The following DISP3 variants were observed in gnomAD, a reference collection of about 807,000 sequenced individuals.
DISP3 encodes protein dispatched homolog 3.
Under a neutral mutation model 135.3 loss-of-function variants are expected in DISP3, and 101 were observed. That is an observed-to-expected ratio of 0.75 (90% CI 0.64 to 0.88). DISP3 has a LOEUF of 0.88. DISP3 is among the 40% of genes least tolerant of loss of function. DISP3 has a pLI of 0.00. For synonymous variants in DISP3, 856 were observed against 817.0 expected (o/e 1.05, Z -0.81); for missense variants, 1,713 against 1,878.6 (o/e 0.91, Z 1.63).
In DISP3 at chr1:11,529,239, G is replaced by C. The variant is rs928127453; in HGVS notation, c.2799-317G>C. Reference sequence around the variant, plus strand: ...GTCCCTCCTGAACCCTCGTACCCCCGGGGGACAGTTTGAAAGCTGCTGGTC... The same window carrying C: ...GTCCCTCCTGAACCCTCGTACCCCCCGGGGACAGTTTGAAAGCTGCTGGTC... On this transcript the variant is annotated intron_variant, in intron 13 of 20. Coordinates refer to ENST00000294484, the MANE Select transcript of DISP3 (RefSeq NM_020780.2). This position sits in a 1 kb window ranked among gnomAD's most constrained non-coding sequence, Gnocchi z 4.7. Among the ~76,000 whole-genome samples, 3 of 152,084 alleles carry C rather than the reference G, an allele frequency of 2.0e-5. No individual in the cohort carries two copies. The highest frequency in any genetic ancestry group is 7.2e-5 in the African/African-American group (3 of 41,384).
chr1:11,531,543 C>T lies in DISP3; in HGVS notation c.3230-22C>T. 6.2e-7 allele frequency: 1 copy of T among 1,613,144 alleles called. No individual in the cohort carries two copies. Among genetic ancestry groups the T allele is most frequent in the South Asian group, 1.1e-5 (1 of 91,070 alleles). On this transcript the variant is annotated intron_variant, in intron 16 of 20. Transcript: ENST00000294484. This position sits in a 1 kb window ranked among gnomAD's most constrained non-coding sequence, Gnocchi z 5.2. ...GCTCTTCCAGGGCCACCACGCACTC[C>T]CTTTCTTGCCTCTCCCCGCAGGCTA...
In DISP3 at chr1:11,530,818, G is replaced by C; in HGVS notation, c.3103-89G>C. The C allele has an allele frequency of 2.6e-6, 4 of 1,537,420 alleles. No homozygotes were observed. The South Asian group carries it at 4.7e-5, about 18-fold the overall frequency. ...TGACAGGTAGCAGGAAGCTGCTGGAGGTTCTGCCCCAGGGTTGGGGGTGAG... is the reference window on the plus strand; with the variant it reads ...TGACAGGTAGCAGGAAGCTGCTGGACGTTCTGCCCCAGGGTTGGGGGTGAG... On this transcript the variant is annotated intron_variant, in intron 15 of 20. Coordinates refer to ENST00000294484, the MANE Select transcript of DISP3 (RefSeq NM_020780.2).
In DISP3 at chr1:11,516,060, C is replaced by A; in HGVS notation, c.1648C>A (p.Pro550Thr). 1 of 1,614,074 alleles carries A rather than the reference C, an allele frequency of 6.2e-7. No homozygotes were observed. The highest frequency in any genetic ancestry group is 1.1e-5 in the South Asian group (1 of 91,080). The part of the protein sequence containing the change: ...TYRQATHLED[P>T]QLRMIHTVQT... The stretch of plus-strand genomic sequence containing the variant: ...CCGCCAGGCCACCCACCTGGAAGAC[C>A]CACAGCTGCGCATGATCCACACCGT... Residue 550 changes from proline to threonine, a missense_variant, in exon 6 of 21, where the codon CCA becomes ACA. By Grantham distance (38) the Pro-to-Thr change is conservative. Coordinates refer to ENST00000294484, the MANE Select transcript of DISP3 (RefSeq NM_020780.2). This position sits in a 1 kb window ranked among gnomAD's most constrained non-coding sequence, Gnocchi z 5.1.
At chr1:11,494,074 C>A (rs1641263226) in intron 1 of DISP3, among the ~76,000 whole-genome samples, 1 of 152,218 alleles carries the variant, frequency 6.6e-6, no homozygotes, top group African/African-American at 2.4e-5. Flanking sequence ...GCCAAAAGAG[C>A]CTGGGCTTTA....
chr1:11,524,240 C>A (rs183058969), intron 11 of DISP3, among the ~76,000 whole-genome samples, 185 bp downstream of exon 11: 3 of 152,024 alleles, frequency 2.0e-5, no homozygotes, highest in Non-Finnish European at 2.9e-5. Flanking sequence ...CCCGCCAGGA[C>A]AGTAGGCTCC....
chr1:11,480,757 A>G (rs968016808), intron 1 of DISP3, among the ~76,000 whole-genome samples: 2 of 145,934 alleles, frequency 1.4e-5, no homozygotes, highest in African/African-American at 5.2e-5. Context: ...TAGAGCAAAC[A>G]CCCCCTCCCC....
chr1:11,502,553 T>C, intron 2 of DISP3, 125 bp from the exon 3 acceptor site: 1 of 739,204 alleles, frequency 1.4e-6, no homozygotes, highest in Non-Finnish European at 2.2e-6. Context: ...TGGGGTGGAG[T>C]TTTGGTGGAT....
At position 11,519,405 on chromosome 1, in the gene DISP3, T is replaced by C. The variant is rs771217414; in HGVS notation, c.1940T>C (p.Val647Ala). 6.2e-7 allele frequency: 1 copy of C among 1,613,734 alleles called. No individual in the cohort carries two copies. The highest frequency in any genetic ancestry group is 8.5e-7 in the Non-Finnish European group (1 of 1,179,938). ...RKTSLHFPGD[V>A]FAAPEQVGGS... is the part of the protein sequence containing the mutation. ...ACCTCCCTGCACTTCCCCGGAGACG[T>C]GTTTGCCGCTCCCGAGCAGGTTGGA... Residue 647 changes from valine to alanine, a missense_variant, in exon 8 of 21, where the codon GTG (valine) becomes GCG (alanine). Val to Ala is a moderately conservative substitution (Grantham distance 64). This residue lies in a region of DISP3 where 1,142 missense variants were observed against 1,384.6 expected (regional missense o/e 0.82). Coordinates refer to ENST00000294484, the MANE Select transcript of DISP3 (RefSeq NM_020780.2). This position sits in a 1 kb window ranked among gnomAD's most constrained non-coding sequence, Gnocchi z 4.3.
chr1:11,535,474 G>A lies in DISP3; in HGVS notation c.3650-4G>A. ...GAGCTGCCCCCCCTGCTGTCTCCTTGCAGGCATCGTGTGCCTGGTGGTGAC... is the reference window on the plus strand; with the variant it reads ...GAGCTGCCCCCCCTGCTGTCTCCTTACAGGCATCGTGTGCCTGGTGGTGAC... On this transcript the variant is annotated splice_region_variant and splice_polypyrimidine_tract_variant and intron_variant, in intron 19 of 20. Coordinates refer to ENST00000294484, the MANE Select transcript of DISP3 (RefSeq NM_020780.2). The A allele has an allele frequency of 6.2e-7, 1 of 1,602,342 alleles. No homozygotes were observed. The highest frequency in any genetic ancestry group is 8.5e-7 in the Non-Finnish European group (1 of 1,172,738).
At chr1:11,522,890 AGG>A (rs1642278702) in intron 10 of DISP3, among the ~76,000 whole-genome samples, 1 of 120,512 alleles carries the variant, frequency 8.3e-6, no homozygotes, top group Non-Finnish European at 1.8e-5. Flanking sequence ...GAGCCCAGCC[AGG>A]ACCCAGCCAG....
chr1:11,503,208 G>A (rs1022106202), intron 3 of DISP3, among the ~76,000 whole-genome samples: 9 of 152,184 alleles, frequency 5.9e-5, no homozygotes, highest in Admixed American at 3.3e-4. Context: ...AAAGAGTATT[G>A]GCCAGGGAAT....
chr1:11,486,016 C>T (rs183042673), intron 1 of DISP3, among the ~76,000 whole-genome samples: 6 of 152,284 alleles, frequency 3.9e-5, no homozygotes, highest in South Asian at 2.1e-4. Context: ...CATAGGGACT[C>T]GGGCTCTGTG....
Position 11,488,637 on chromosome 1 carries a change from C to CTGTGTGTGTGTG in DISP3, c.-4+9285_-4+9296dup, listed in dbSNP as rs5772457. On this transcript the variant is annotated intron_variant, in intron 1 of 20. Transcript: ENST00000294484. ...ACCAGAACGGCTGAGGGCAGATGCTCTGTGTGTGTGTGTGTGTGTGTGTGT... is the reference window on the plus strand; with the variant it reads ...ACCAGAACGGCTGAGGGCAGATGCTCTGTGTGTGTGTGTGTGTGTGTGTGTGTGTGTGTGTGT... 3.1e-4 allele frequency among the ~76,000 whole-genome samples: 45 copies of CTGTGTGTGTGTG among 146,420 alleles called. No individual in the cohort carries two copies. The East Asian group carries it at 6.7e-3, about 22-fold the overall frequency.
chr1:11,502,790 ACCCCTGC>A lies in DISP3; in HGVS notation c.1212_1218del (p.Leu405ThrfsTer5). On this transcript the variant is annotated frameshift_variant, in exon 3 of 21. Transcript: ENST00000294484. LOFTEE classifies it high-confidence loss of function. The stretch of plus-strand genomic sequence containing the variant: ...TGCGCAGTGAGATCCTGTTTGGAGC[ACCCCTGC>A]CCAACTACTACTCAGTAGATGACCG... 1 of 1,614,178 alleles carries A rather than the reference ACCCCTGC, an allele frequency of 6.2e-7. No individual in the cohort carries two copies. Among genetic ancestry groups the A allele is most frequent in the Non-Finnish European group, 8.5e-7 (1 of 1,180,038 alleles).
At chr1:11,512,763 G>A (rs186043632) in intron 3 of DISP3, among the ~76,000 whole-genome samples, 7 of 152,218 alleles carry the variant, frequency 4.6e-5, no homozygotes, top group East Asian at 3.9e-4. Flanking sequence ...GTATTAGTCC[G>A]TTTTCATGCT....
chr1:11,481,038 T>TTCTCTCTCTC (rs368929945), intron 1 of DISP3, among the ~76,000 whole-genome samples: 4 of 129,844 alleles, frequency 3.1e-5, no homozygotes, highest in South Asian at 2.6e-4. Context: ...TCCCCCAGGT[T>TTCTCTCTCTC]TCTCTCTCTC....
intron 19 of DISP3, 24 bp downstream of exon 19, chr1:11,535,148 G>T (rs756983957): frequency 3.4e-5 from 53 of 1,567,196 alleles, no homozygotes; most frequent in Non-Finnish European, 4.4e-5. Flanking sequence ...GGGCTGGCAG[G>T]CACCCTGCTG....
Position 11,537,468 on chromosome 1 carries a change from G to C in DISP3, c.*782G>C, listed in dbSNP as rs1642738654. 1 of 152,486 alleles carries C rather than the reference G, an allele frequency of 6.6e-6. No individual in the cohort carries two copies. The highest frequency in any genetic ancestry group is 6.5e-5 in the Admixed American group (1 of 15,290). The allele number at this position is 152,486 out of a possible 1,614,324, so 9.4% of individuals were successfully genotyped here. On this transcript the variant is annotated 3_prime_UTR_variant, in exon 21 of 21. Transcript: ENST00000294484. ...CACCTGACTCTGAGTGGATGTTTTG[G>C]GGGATGGCCCCTGTGGGGAGGAGCT... is the stretch of plus-strand genomic sequence containing the variant.
At chr1:11,522,873 C>CCAGCCAGAGCT (rs1642276914) in intron 10 of DISP3, among the ~76,000 whole-genome samples, 1 of 142,042 alleles carries the variant, frequency 7.0e-6, no homozygotes, top group Non-Finnish European at 1.6e-5. Context: ...CAGCCAGAGC[C>CCAGCCAGAGCT]CAGCCAGAGC....
Sources: allele counts gnomAD v4.1 joint callset (sites outside exome capture counted in the v4.1 genomes callset), GRCh38; gene constraint gnomAD v4.1.1; regional missense constraint gnomAD v4.1.1; non-coding constraint Gnocchi (gnomAD v3.1); transcripts MANE v1.5; gene names NCBI Gene and HGNC (gene_info 2026-07-23, HGNC 2026-07-21).